PHACTR1: variants seen among roughly 807,000 people sequenced by gnomAD.
PHACTR1 encodes RPEL repeat containing 1.
PHACTR1 carries 16 observed loss-of-function variants against 69.2 expected under a neutral mutation model. The ratio of observed to expected loss-of-function variants is 0.23; its 90% CI spans 0.16 to 0.35. The LOEUF is 0.35. Among genes scored for constraint, PHACTR1 ranks in the 10% least tolerant of loss-of-function variants. The pLI, the probability that PHACTR1 is intolerant of heterozygous loss-of-function variation, is 1.00. For synonymous variants in PHACTR1, 312 were observed against 284.5 expected (o/e 1.10, Z -0.97); for missense variants, 510 against 734.7 (o/e 0.69, Z 3.54).
intron 4 of PHACTR1, among the ~76,000 whole-genome samples, chr6:12,802,101 T>TATTATATAA (rs1773772837): frequency 7.4e-6 from 1 of 134,822 alleles, no homozygotes; most frequent in African/African-American, 2.6e-5. Flanking sequence ...AAAATAATTT[T>TATTATATAA]ATTTTATATA....
chr6:13,259,177 A>G (rs552234157), intron 10 of PHACTR1, among the ~76,000 whole-genome samples: 1 of 152,356 alleles, frequency 6.6e-6, no homozygotes, highest in Non-Finnish European at 1.5e-5. Flanking sequence ...GTTGTAATTA[A>G]CTACCTTAAT....
chr6:12,973,848 A>T (rs556432503), intron 4 of PHACTR1, among the ~76,000 whole-genome samples: 1 of 151,854 alleles, frequency 6.6e-6, no homozygotes, highest in South Asian at 2.1e-4. Context: ...TCAAGGTGGG[A>T]GAACTAACCA....
At chr6:13,247,449 G>A (rs550614148) in intron 10 of PHACTR1, among the ~76,000 whole-genome samples, 24 of 151,864 alleles carry the variant, frequency 1.6e-4, no homozygotes, top group African/African-American at 5.8e-4. Context: ...GGGTTAAAGC[G>A]ATTCTCCTAC....
chr6:13,112,721 G>T (rs1245523072), intron 5 of PHACTR1, among the ~76,000 whole-genome samples: 1 of 152,024 alleles, frequency 6.6e-6, no homozygotes, highest in Non-Finnish European at 1.5e-5. Context: ...TTTTAATGAG[G>T]TTGTTTTGTT....
rs548338082 is a variant in PHACTR1, at chr6:12,836,715, T to G, written c.250+86925T>G. Among the ~76,000 whole-genome samples the G allele has an allele frequency of 5.9e-5, 9 of 152,302 alleles. No individual in the cohort carries two copies. The South Asian group carries it at 1.9e-3, about 32-fold the overall frequency. On this transcript the variant is annotated intron_variant, in intron 4 of 14. Transcript: ENST00000332995. The stretch of plus-strand genomic sequence containing the variant: ...TTCCTCACAGTTGTTTGGTGCCTGT[T>G]GTCCTAGCATCATGTAGACCCAGCT...
intron 8 of PHACTR1, among the ~76,000 whole-genome samples, chr6:13,219,586 T>A (rs1045403113): frequency 6.6e-6 from 1 of 152,186 alleles, no homozygotes; most frequent in African/African-American, 2.4e-5. Context: ...TCCTTCCTCT[T>A]GTCGCCTATT....
chr6:13,249,609 G>C lies in PHACTR1; in HGVS notation c.1391+19416G>C, dbSNP rs187665628. 1.2e-3 allele frequency among the ~76,000 whole-genome samples: 185 copies of C among 152,174 alleles called. 1 individual carries two copies. Among genetic ancestry groups the C allele is most frequent in the Admixed American group, 4.3e-3 (65 of 15,288 alleles). ...AGGTCAGGAGTTCAAGACCAGCCTG[G>C]CTAACATGGTGAAACCTCATGTCTA... On this transcript the variant is annotated intron_variant, in intron 10 of 14. Coordinates refer to ENST00000332995, the MANE Select transcript of PHACTR1 (RefSeq NM_030948.6).
At chr6:13,269,718 C>T (rs1192118404) in intron 10 of PHACTR1, among the ~76,000 whole-genome samples, 1 of 152,128 alleles carries the variant, frequency 6.6e-6, no homozygotes, top group Non-Finnish European at 1.5e-5. Context: ...CCTGTAATCC[C>T]AGCTACTCAG....
chr6:13,259,648 T>A (rs1281264818), intron 10 of PHACTR1, among the ~76,000 whole-genome samples: 1 of 152,200 alleles, frequency 6.6e-6, no homozygotes, highest in Non-Finnish European at 1.5e-5. Context: ...GCGGGCTAGA[T>A]GTCATTATGA....
At chr6:12,822,971 C>T (rs999891346) in intron 4 of PHACTR1, among the ~76,000 whole-genome samples, 4 of 152,148 alleles carry the variant, frequency 2.6e-5, no homozygotes, top group Admixed American at 6.5e-5. Context: ...GTGGGCTTAG[C>T]AGTAACAACA....
At chr6:13,177,842 T>C (rs1761607497) in intron 6 of PHACTR1, among the ~76,000 whole-genome samples, 1 of 152,226 alleles carries the variant, frequency 6.6e-6, no homozygotes, top group Admixed American at 6.5e-5. Context: ...ACAAGTATCA[T>C]AATGAGCTAA....
intron 4 of PHACTR1, among the ~76,000 whole-genome samples, chr6:12,938,397 C>A (rs577159214): frequency 2.2e-4 from 34 of 152,068 alleles, no homozygotes; most frequent in Admixed American, 3.9e-4. Flanking sequence ...AGGCTAGCTG[C>A]ATGGAATCAT....
At chr6:13,005,938 C>T (rs1003369995) in intron 4 of PHACTR1, among the ~76,000 whole-genome samples, 12 of 152,106 alleles carry the variant, frequency 7.9e-5, no homozygotes, top group Non-Finnish European at 1.5e-4. Flanking sequence ...TATTTCTCAC[C>T]AATGTTACAT....
intron 13 of PHACTR1, 43 bp from the exon 14 acceptor site, chr6:13,286,103 G>T: frequency 6.6e-7 from 1 of 1,522,592 alleles, no homozygotes; most frequent in Admixed American, 2.3e-5. Flanking sequence ...GTTTTTTTCT[G>T]TCTCTCTCCC....
At chr6:12,855,810 A>T (rs1331671208) in intron 4 of PHACTR1, among the ~76,000 whole-genome samples, 1 of 152,240 alleles carries the variant, frequency 6.6e-6, no homozygotes, top group African/African-American at 2.4e-5. Context: ...TGGAAAGTTT[A>T]AAAAAATTAA....
chr6:13,066,820 G>C (rs1352758861), intron 5 of PHACTR1, among the ~76,000 whole-genome samples: 1 of 152,092 alleles, frequency 6.6e-6, no homozygotes, highest in Non-Finnish European at 1.5e-5. Context: ...TCTCCAGCAG[G>C]GAGCTGAGGG....
intron 4 of PHACTR1, among the ~76,000 whole-genome samples, chr6:12,804,236 T>C (rs377130786): frequency 2.4e-4 from 37 of 152,348 alleles, no homozygotes; most frequent in African/African-American, 8.9e-4. Flanking sequence ...CATCTAATCA[T>C]TCTTATATTT....
At chr6:13,273,660 A>G (rs2127453470) in intron 11 of PHACTR1, 1 of 152,400 alleles carries the variant, frequency 6.6e-6, no homozygotes, top group South Asian at 2.1e-4. Flanking sequence ...GGACAGCAGT[A>G]TGCGTCAGTT....
intron 4 of PHACTR1, among the ~76,000 whole-genome samples, chr6:13,025,709 G>GTGTGTGTGTGTGTC (rs1001399090): frequency 6.6e-6 from 1 of 151,098 alleles, no homozygotes; most frequent in African/African-American, 2.4e-5. Flanking sequence ...GTGTGTGTGT[G>GTGTGTGTGTGTGTC]TCTGTGTGTA....
Sources: allele counts gnomAD v4.1 joint callset (sites outside exome capture counted in the v4.1 genomes callset), GRCh38; gene constraint gnomAD v4.1.1; transcripts MANE v1.5; gene names NCBI Gene and HGNC (gene_info 2026-07-23, HGNC 2026-07-21).